SDHA: variants seen among roughly 807,000 people sequenced by gnomAD.
SDHA encodes succinate dehydrogenase [ubiquinone] flavoprotein subunit, mitochondrial.
In SDHA, 48 loss-of-function variants were observed where a neutral mutation model predicts 78.4. The observed-to-expected ratio is 0.61, with a 90% CI of 0.49 to 0.78. The LOEUF is 0.78. Among genes scored for constraint, SDHA ranks in the 30% least tolerant of loss-of-function variants. The pLI, the probability that SDHA is intolerant of heterozygous loss-of-function variation, is 0.00. For synonymous variants in SDHA, 326 were observed against 353.9 expected, an observed-to-expected ratio of 0.92 and a Z score of 0.88; for missense variants, 680 against 892.7, an observed-to-expected ratio of 0.76 and a Z score of 3.04.
At chr5:253,870 G>C (rs1372588085) in intron 13 of SDHA, among the ~76,000 whole-genome samples, 3 of 152,120 alleles carry the variant, frequency 2.0e-5, no homozygotes, top group African/African-American at 2.4e-5. Context: ...AGACCAGCCT[G>C]GGCAACATGG....
downstream of SDHA, among the ~76,000 whole-genome samples, chr5:261,260 C>T (rs1243881995): frequency 1.1e-4 from 1 of 9,378 alleles, no homozygotes; most frequent in Admixed American, 8.2e-4. Flanking sequence ...CTCCGCCTCC[C>T]GTCACAGCAT....
At chr5:250,303 G>C (rs1447930183) in intron 11 of SDHA, 1 of 156,152 alleles carries the variant, frequency 6.4e-6, no homozygotes, top group African/African-American at 2.4e-5. Context: ...GCAAGGAGGA[G>C]GAGGGATCAC....
At chr5:222,535 T>G (rs1411349962) in intron 1 of SDHA, among the ~76,000 whole-genome samples, 2 of 152,006 alleles carry the variant, frequency 1.3e-5, no homozygotes, top group African/African-American at 4.8e-5. Context: ...AGATGGGGTT[T>G]TGCCATGTTG....
intron 6 of SDHA, among the ~76,000 whole-genome samples, chr5:229,209 G>T (rs1201756312): frequency 6.6e-6 from 1 of 152,156 alleles, no homozygotes; most frequent in Non-Finnish European, 1.5e-5. Flanking sequence ...AACTCTGGAG[G>T]TTCCTCAAAA....
intron 6 of SDHA, among the ~76,000 whole-genome samples, chr5:229,342 G>A (rs1171968218): frequency 1.3e-5 from 2 of 152,184 alleles, no homozygotes; most frequent in Non-Finnish European, 2.9e-5. Flanking sequence ...CACAATACCC[G>A]AGATATGGAA....
intron 11 of SDHA, among the ~76,000 whole-genome samples, chr5:245,713 G>A (rs1736400806): frequency 6.6e-6 from 1 of 152,168 alleles, no homozygotes; most frequent in East Asian, 1.9e-4. Flanking sequence ...CATTACCATT[G>A]TGCTACAGAA....
Position 256,767 on chromosome 5 carries a change from T to G in SDHA, c.*347T>G. The G allele has an allele frequency of 3.0e-6, 1 of 330,462 alleles. No homozygotes were observed. The highest frequency in any genetic ancestry group is 5.6e-6 in the Non-Finnish European group (1 of 177,486). The allele number at this position is 330,462 out of a possible 1,614,324, so 20.5% of individuals were successfully genotyped here. A position where few individuals can be genotyped will look rare whatever the true frequency, so the allele number is the denominator to read the frequency against. On this transcript the variant is annotated 3_prime_UTR_variant, in exon 15 of 15. Transcript: ENST00000264932. ...GTTGACCTAAAAATCAAATGTAATC[T>G]TTGTATTGTGTTACATCAAAATCCA... is the stretch of plus-strand genomic sequence containing the variant.
At chr5:233,786 G>A (rs1735583077) in intron 8 of SDHA, 141 bp downstream of exon 8, 1 of 803,600 alleles carries the variant, frequency 1.2e-6, no homozygotes, top group Non-Finnish European at 2.1e-6. Flanking sequence ...GCAGGCGTCT[G>A]TTAGTCTGCG....
At chr5:237,750 C>T (rs1157750872) in intron 10 of SDHA, among the ~76,000 whole-genome samples, 1 of 136,294 alleles carries the variant, frequency 7.3e-6, no homozygotes, top group East Asian at 1.9e-4. Context: ...ACGGCTGTAA[C>T]TTATAAACGT....
chr5:236,728 C>A, intron 10 of SDHA, 129 bp downstream of exon 10: 1 of 905,276 alleles, frequency 1.1e-6, no homozygotes, highest in Non-Finnish European at 1.8e-6. Context: ...GCCTCAACCT[C>A]CCGGGCTCAA....
At chr5:254,702 A>C (rs186531978) in intron 14 of SDHA, among the ~76,000 whole-genome samples, 196 bp downstream of exon 14, 25 of 152,282 alleles carry the variant, frequency 1.6e-4, no homozygotes, top group African/African-American at 5.8e-4. Context: ...CAGTTCCTGC[A>C]GGTGGTTCAG....
intron 11 of SDHA, among the ~76,000 whole-genome samples, chr5:244,126 C>T (rs766519610): frequency 1.2e-4 from 18 of 152,012 alleles, no homozygotes; most frequent in Non-Finnish European, 1.8e-4. Context: ...CGTTCCAAAC[C>T]GGGGCATTTC....
downstream of SDHA, among the ~76,000 whole-genome samples, chr5:259,916 CCGT>C (rs1321356495): frequency 1.1e-3 from 38 of 36,042 alleles, no homozygotes; most frequent in Non-Finnish European, 1.4e-3. Context: ...GCTCCGCCTC[CCGT>C]CAGAGCATTA....
chr5:266,616 C>T, the SDHA span, among the ~76,000 whole-genome samples: 1 of 152,172 alleles, frequency 6.6e-6, no homozygotes, highest in Non-Finnish European at 1.5e-5. Context: ...AGAAAGGACA[C>T]ACCAAAGAAG....
chr5:227,745 C>T (rs1394281790), intron 5 of SDHA: 3 of 253,954 alleles, frequency 1.2e-5, no homozygotes, highest in Admixed American at 1.0e-4. Flanking sequence ...GGGGCTGTTG[C>T]TAATGTGGCA....
intron 1 of SDHA, among the ~76,000 whole-genome samples, chr5:221,430 A>G (rs1346915618): frequency 2.0e-5 from 3 of 151,948 alleles, no homozygotes; most frequent in Admixed American, 2.0e-4. Context: ...TGCTTTTGTG[A>G]TTGTGTAGGT....
At position 251,561 on chromosome 5, in the gene SDHA, C is replaced by T. The variant is rs769392487; in HGVS notation, c.1794+93C>T. On this transcript the variant is annotated intron_variant, in intron 13 of 14. Transcript: ENST00000264932. ...CCTGCATTTTCTCTGCATTTTCTTTCGTTGCCCCAAAAGTAAATCCAAAAA... is the reference window on the plus strand; with the variant it reads ...CCTGCATTTTCTCTGCATTTTCTTTTGTTGCCCCAAAAGTAAATCCAAAAA... 3.0e-5 allele frequency: 48 copies of T among 1,596,448 alleles called. No homozygotes were observed. In the East Asian group the frequency reaches 5.6e-4, roughly 19 times the overall value.
chr5:259,793 A>C (rs1459874120), downstream of SDHA, among the ~76,000 whole-genome samples: 5 of 29,702 alleles, frequency 1.7e-4, 1 homozygote, highest in African/African-American at 3.7e-4. Flanking sequence ...GCCTCCCGCC[A>C]GAGCATTACC....
At chr5:242,122 C>A (rs904674813) in intron 11 of SDHA, among the ~76,000 whole-genome samples, 1 of 152,022 alleles carries the variant, frequency 6.6e-6, no homozygotes, top group Non-Finnish European at 1.5e-5. Context: ...AAATGCGTTC[C>A]GTTGGGGAAG....
Sources: allele counts gnomAD v4.1 joint callset (sites outside exome capture counted in the v4.1 genomes callset), GRCh38; gene constraint gnomAD v4.1.1; transcripts MANE v1.5; gene names NCBI Gene and HGNC (gene_info 2026-07-23, HGNC 2026-07-21).